ROBO2: variants seen among roughly 807,000 people sequenced by gnomAD.
ROBO2 encodes roundabout homolog 2.
A neutral mutation model predicts 160.8 loss-of-function variants in ROBO2; 53 were observed. The ratio of observed to expected loss-of-function variants is 0.33; its 90% CI spans 0.26 to 0.41. The LOEUF (loss-of-function observed/expected upper bound fraction) is 0.41. Ranked by LOEUF, ROBO2 falls within the 10% of genes least tolerant of loss-of-function variation. The pLI, the probability that ROBO2 is intolerant of heterozygous loss-of-function variation, is 1.00. For synonymous variants in ROBO2, 664 were observed against 611.7 expected, an observed-to-expected ratio of 1.09 and a Z score of -1.26; for missense variants, 1,577 against 1,722.4, an observed-to-expected ratio of 0.92 and a Z score of 1.49.
At chr3:76,156,324 A>G (rs1031095827) in intron 2 of ROBO2, among the ~76,000 whole-genome samples, 6 of 152,140 alleles carry the variant, frequency 3.9e-5, no homozygotes, top group African/African-American at 1.4e-4. Context: ...TTCAAAGGTT[A>G]TTTGTCTAGC....
At chr3:77,253,537 C>T (rs1224940796) in intron 2 of ROBO2, among the ~76,000 whole-genome samples, 1 of 152,066 alleles carries the variant, frequency 6.6e-6, no homozygotes, top group Non-Finnish European at 1.5e-5. Flanking sequence ...AGGTGTCTGT[C>T]CCAATGTGAA....
At chr3:75,963,912 G>A (rs1421149665) in intron 2 of ROBO2, among the ~76,000 whole-genome samples, 1 of 151,644 alleles carries the variant, frequency 6.6e-6, no homozygotes, top group Non-Finnish European at 1.5e-5. Context: ...TATCGGATTA[G>A]GACCCACCCC....
intron 2 of ROBO2, among the ~76,000 whole-genome samples, chr3:76,676,673 C>CCATG (rs10633711): frequency 0.12 from 17,922 of 151,966 alleles, 1,860 homozygotes; most frequent in African/African-American, 0.28. Context: ...TGATTTCATG[C>CCATG]CATGCCCCAA....
intron 2 of ROBO2, among the ~76,000 whole-genome samples, chr3:77,176,941 A>G (rs955759779): frequency 2.6e-5 from 4 of 151,982 alleles, no homozygotes; most frequent in East Asian, 1.9e-4. Context: ...AATGTTGAGT[A>G]CTTATTTACA....
intron 2 of ROBO2, among the ~76,000 whole-genome samples, chr3:77,032,139 G>C (rs2063363027): frequency 6.6e-6 from 1 of 152,170 alleles, no homozygotes. Context: ...TTCATCATGA[G>C]AATTTTGAAG....
chr3:76,242,131 G>A (rs1705324425), intron 2 of ROBO2, among the ~76,000 whole-genome samples: 1 of 152,030 alleles, frequency 6.6e-6, no homozygotes. Context: ...TCAAATAATG[G>A]ATCTTGGTTA....
chr3:76,927,608 T>C lies in ROBO2; in HGVS notation c.110-170406T>C, dbSNP rs141125151. 2.6e-5 allele frequency among the ~76,000 whole-genome samples: 4 copies of C among 152,222 alleles called. No individual in the cohort carries two copies. In the East Asian group the frequency reaches 7.7e-4, roughly 29 times the overall value. On this transcript the variant is annotated intron_variant, in intron 2 of 26. Transcript: ENST00000487694. ...CAACAACGCATAAGAATTATTTTCATTGAAACCTTTTCAACTTGGCCAAGA... is the reference window on the plus strand; with the variant it reads ...CAACAACGCATAAGAATTATTTTCACTGAAACCTTTTCAACTTGGCCAAGA...
chr3:76,864,565 C>T (rs1272113963), intron 2 of ROBO2, among the ~76,000 whole-genome samples: 13 of 151,982 alleles, frequency 8.6e-5, no homozygotes, highest in Admixed American at 8.5e-4. Context: ...CAGCATGTGC[C>T]TTTATTTTGA....
chr3:77,126,003 C>G (rs187814422), intron 2 of ROBO2, among the ~76,000 whole-genome samples: 1 of 152,136 alleles, frequency 6.6e-6, no homozygotes, highest in Admixed American at 6.5e-5. Flanking sequence ...CAGCTCCCAG[C>G]GATTGCACAC....
chr3:76,505,873 C>T (rs1478492320), intron 2 of ROBO2, among the ~76,000 whole-genome samples: 1 of 152,092 alleles, frequency 6.6e-6, no homozygotes, highest in Non-Finnish European at 1.5e-5. Context: ...GAAAGAGTCA[C>T]AAAAGTTTTT....
At chr3:77,190,698 T>A (rs1158651686) in intron 2 of ROBO2, among the ~76,000 whole-genome samples, 1 of 152,060 alleles carries the variant, frequency 6.6e-6, no homozygotes, top group East Asian at 1.9e-4. Context: ...CTTAAAATAA[T>A]TTGTTTCTGC....
chr3:76,436,180 A>ACACACACACACACACACACACACACACG lies in ROBO2; in HGVS notation c.109+498579_109+498580insACACACACACACACACACACACACACGC, dbSNP rs1156673465. ...GGAAAACACACACACACACACACACACCATTTCTTTTTCTTTTTTTTTATT... is the reference window on the plus strand; with the variant it reads ...GGAAAACACACACACACACACACACACACACACACACACACACACACACACACGCCATTTCTTTTTCTTTTTTTTTATT... On this transcript the variant is annotated intron_variant, in intron 2 of 26. Transcript: ENST00000487694. 2.0e-5 allele frequency among the ~76,000 whole-genome samples: 3 copies of ACACACACACACACACACACACACACACG among 150,890 alleles called. No homozygotes were observed. In the East Asian group the frequency reaches 5.9e-4, roughly 30 times the overall value.
chr3:75,928,861 C>CGTGT (rs60525375), intron 1 of ROBO2, among the ~76,000 whole-genome samples: 5,457 of 108,862 alleles, frequency 0.05, 172 homozygotes, highest in East Asian at 0.086. Flanking sequence ...CTGGATAAGA[C>CGTGT]GTGTGTGTGT....
At position 77,550,830 on chromosome 3, in the gene ROBO2, C is replaced by T. The variant is rs757336814; in HGVS notation, c.1072C>T (p.Pro358Ser). ...CTTGCTTCCACAGAACCTACTTTTC[C>T]CAAACCAACCCCAGCAGCCCAACAG... is the stretch of plus-strand genomic sequence containing the variant. Residue 358 changes from proline (P) to serine (S), a missense_variant, in exon 8 of 26, where the codon CCA (proline) becomes TCA (serine). By Grantham distance (74) the Pro-to-Ser change is moderately conservative. Transcript: ENST00000461745. 51 of 1,612,646 alleles carry T rather than the reference C, an allele frequency of 3.2e-5. No individual in the cohort carries two copies. In the African/African-American group the frequency reaches 6.3e-4, roughly 20 times the overall value.
rs1165522116 is a variant in ROBO2, at chr3:76,127,755, C to G, written c.109+190153C>G. 2.0e-5 allele frequency among the ~76,000 whole-genome samples: 3 copies of G among 151,978 alleles called. No individual in the cohort carries two copies. The East Asian group carries it at 5.8e-4, about 29-fold the overall frequency. On this transcript the variant is annotated intron_variant, in intron 2 of 26. Coordinates refer to the ROBO2 transcript ENST00000487694. Reference sequence around the variant, plus strand: ...TTATAACACTTATAGGCTATGACTTCTTATAGGTATAATTACTTTATTACA... The same window carrying G: ...TTATAACACTTATAGGCTATGACTTGTTATAGGTATAATTACTTTATTACA...
intron 2 of ROBO2, among the ~76,000 whole-genome samples, chr3:76,135,810 T>C (rs1269939012): frequency 2.0e-5 from 3 of 152,130 alleles, no homozygotes; most frequent in Non-Finnish European, 4.4e-5. Flanking sequence ...CTTTACAATT[T>C]TTTCTTTTGA....
intron 2 of ROBO2, among the ~76,000 whole-genome samples, chr3:76,137,362 A>C (rs960171264): frequency 6.6e-6 from 1 of 152,030 alleles, no homozygotes; most frequent in African/African-American, 2.4e-5. Context: ...CCAATCCTAG[A>C]AAACGTACCC....
chr3:77,495,453 T>G (rs2086664503), intron 5 of ROBO2, among the ~76,000 whole-genome samples: 1 of 152,166 alleles, frequency 6.6e-6, no homozygotes, highest in Non-Finnish European at 1.5e-5. Flanking sequence ...TCTCCCAGGT[T>G]TTCATCATTG....
At chr3:76,317,544 C>A (rs2072140450) in intron 2 of ROBO2, among the ~76,000 whole-genome samples, 1 of 152,102 alleles carries the variant, frequency 6.6e-6, no homozygotes, top group Non-Finnish European at 1.5e-5. Flanking sequence ...AATATTCATG[C>A]AAAATGCAGA....
Sources: gnomAD v4.1 joint callset for allele counts (sites outside exome capture counted in the v4.1 genomes callset) on GRCh38, gnomAD v4.1.1 for gene constraint, MANE v1.5 for transcripts, NCBI Gene and HGNC (gene_info 2026-07-23, HGNC 2026-07-21) for gene names.